Variants in OPRM1 observed in about 807,000 individuals in gnomAD.
The protein encoded by OPRM1 is opioid receptor mu 1.
Under a neutral mutation model 31.8 loss-of-function variants are expected in OPRM1, and 27 were observed. The ratio of observed to expected loss-of-function variants is 0.85; its 90% CI spans 0.63 to 1.17. OPRM1 has a LOEUF of 1.17. Among genes scored for constraint, OPRM1 ranks in the 50% most tolerant of loss-of-function variants. The pLI is 0.00. For synonymous variants in OPRM1, 196 were observed against 189.9 expected (o/e 1.03, Z -0.26); for missense variants, 536 against 511.1 (o/e 1.05, Z -0.47).
chr6:154,119,580 C>A lies in OPRM1; in HGVS notation c.*859C>A. The A allele has an allele frequency of 3.0e-6, 1 of 334,790 alleles. No individual in the cohort carries two copies. Among genetic ancestry groups the A allele is most frequent in the Non-Finnish European group, 4.3e-6 (1 of 235,246 alleles). The allele number at this position is 334,790 out of a possible 1,614,324, so 20.7% of individuals were successfully genotyped here. ...ATTAAAATGTACTCTTTATTTCTCA[C>A]TGGTTTCTCCATACTGCAGGCTCCC... On this transcript the variant is annotated 3_prime_UTR_variant, in exon 4 of 4. Coordinates refer to ENST00000330432, the MANE Select transcript of OPRM1 (RefSeq NM_000914.5).
chr6:154,058,219 A>C (rs539765955), intron 1 of OPRM1, among the ~76,000 whole-genome samples: 1 of 152,208 alleles, frequency 6.6e-6, no homozygotes, highest in East Asian at 1.9e-4. Flanking sequence ...AAAAAATTGT[A>C]TATAAAGATA....
intron 3 of OPRM1, among the ~76,000 whole-genome samples, chr6:154,193,359 G>C (rs1802104369): frequency 6.6e-6 from 1 of 152,128 alleles, no homozygotes; most frequent in African/African-American, 2.4e-5. Context: ...GGGGACTCGG[G>C]GGAAAGGATA....
At chr6:154,089,323 A>T (rs1393243386) in intron 1 of OPRM1, among the ~76,000 whole-genome samples, 1 of 152,092 alleles carries the variant, frequency 6.6e-6, no homozygotes, top group Non-Finnish European at 1.5e-5. Flanking sequence ...GTGGTGTCTC[A>T]TGCCTGTAAC....
At chr6:154,078,340 C>T (rs17174750) in intron 1 of OPRM1, among the ~76,000 whole-genome samples, 1,737 of 152,190 alleles carry the variant, frequency 0.011, 25 homozygotes, top group African/African-American at 0.039. Context: ...AAATAATATC[C>T]ATTGCATATA....
At chr6:154,173,061 C>T (rs183100006) in intron 3 of OPRM1, among the ~76,000 whole-genome samples, 8 of 152,342 alleles carry the variant, frequency 5.3e-5, no homozygotes, top group East Asian at 3.9e-4. Context: ...CTCCAACAGA[C>T]GTGCAGCTGA....
chr6:154,185,267 A>G (rs1801238413), intron 3 of OPRM1, among the ~76,000 whole-genome samples: 1 of 152,232 alleles, frequency 6.6e-6, no homozygotes, highest in African/African-American at 2.4e-5. Flanking sequence ...GGGAGCAGCT[A>G]TAGACATGGA....
intron 3 of OPRM1, chr6:154,108,233 C>A (rs1795900673): frequency 2.5e-6 from 1 of 400,542 alleles, no homozygotes; most frequent in Non-Finnish European, 4.5e-6. Context: ...CTGCTTAGCA[C>A]CAAATATCAG....
At chr6:154,172,995 G>A (rs1202136145) in intron 3 of OPRM1, among the ~76,000 whole-genome samples, 1 of 152,234 alleles carries the variant, frequency 6.6e-6, no homozygotes, top group African/African-American at 2.4e-5. Flanking sequence ...TTGCTGTTCT[G>A]CAGCCTCCGC....
At chr6:154,188,357 A>G (rs1490956565) in intron 3 of OPRM1, among the ~76,000 whole-genome samples, 1 of 152,260 alleles carries the variant, frequency 6.6e-6, no homozygotes, top group Admixed American at 6.5e-5. Context: ...TAAGAAAGAC[A>G]AATAAATGGA....
At chr6:154,049,536 C>T (rs1781801889) in intron 1 of OPRM1, among the ~76,000 whole-genome samples, 1 of 151,944 alleles carries the variant, frequency 6.6e-6, no homozygotes, top group South Asian at 2.1e-4. Flanking sequence ...GTGAAGAGGC[C>T]AATTTTCAAA....
At chr6:154,192,318 C>CTGTGTGTGTGTGTGTGTGTGTGTG (rs56231733) in intron 3 of OPRM1, among the ~76,000 whole-genome samples, 2 of 148,030 alleles carry the variant, frequency 1.4e-5, no homozygotes, top group Admixed American at 6.7e-5. Flanking sequence ...CACGTGGTTA[C>CTGTGTGTGTGTGTGTGTGTGTGTG]TGTGTGTGTG....
intron 3 of OPRM1, among the ~76,000 whole-genome samples, chr6:154,192,599 C>T (rs1195297855): frequency 6.6e-6 from 1 of 151,970 alleles, no homozygotes; most frequent in Non-Finnish European, 1.5e-5. Context: ...AGAAAATCTT[C>T]ATAATCTGTA....
intron 3 of OPRM1, among the ~76,000 whole-genome samples, chr6:154,228,134 T>G (rs1050162551): frequency 6.6e-6 from 1 of 152,062 alleles, no homozygotes; most frequent in Non-Finnish European, 1.5e-5. Flanking sequence ...CTTTGTTGAA[T>G]GGGATCCTTC....
At position 154,119,505 on chromosome 6, in the gene OPRM1, A is replaced by G; in HGVS notation, c.*784A>G. The G allele has an allele frequency of 1.1e-6, 1 of 913,126 alleles. No individual in the cohort carries two copies. The highest frequency in any genetic ancestry group is 1.8e-5 in the African/African-American group (1 of 55,730). 56.6% of individuals were successfully genotyped at this position (913,126 alleles called of 1,614,324 possible). A position where few individuals can be genotyped will look rare whatever the true frequency, so the allele number is the denominator to read the frequency against. The stretch of plus-strand genomic sequence containing the variant: ...TCTTGCTCCTATTTAAGTGTTCACA[A>G]AAGGTAATAGTCAATGAGCTCATCA... On this transcript the variant is annotated 3_prime_UTR_variant, in exon 4 of 4. Coordinates refer to ENST00000330432, the MANE Select transcript of OPRM1 (RefSeq NM_000914.5).
intron 3 of OPRM1, among the ~76,000 whole-genome samples, chr6:154,194,026 G>T (rs1276644512): frequency 6.6e-6 from 1 of 152,208 alleles, no homozygotes; most frequent in East Asian, 1.9e-4. Context: ...GCAGGAATTT[G>T]TGACCATGAG....
intron 3 of OPRM1, chr6:154,217,564 G>A (rs1319709597): frequency 6.6e-6 from 1 of 152,166 alleles, no homozygotes; most frequent in Non-Finnish European, 1.5e-5. Flanking sequence ...CCTAGGGAGG[G>A]TAGTTGAATT....
At chr6:154,204,783 T>G (rs986243951) in intron 3 of OPRM1, among the ~76,000 whole-genome samples, 3 of 152,034 alleles carry the variant, frequency 2.0e-5, no homozygotes, top group African/African-American at 7.3e-5. Flanking sequence ...ACACAAAAAG[T>G]CCACAATATT....
intron 3 of OPRM1, among the ~76,000 whole-genome samples, chr6:154,096,904 T>C (rs532261180): frequency 6.6e-6 from 1 of 152,352 alleles, no homozygotes; most frequent in African/African-American, 2.4e-5. Flanking sequence ...TAGTTTGTTA[T>C]GTGAGGGTCC....
rs779909053 is a variant in OPRM1 at position 154,039,292 on chromosome 6, G to T, written c.-253G>T. On this transcript the variant is annotated 5_prime_UTR_variant, in exon 1 of 4. Coordinates refer to ENST00000330432, the MANE Select transcript of OPRM1 (RefSeq NM_000914.5). The stretch of plus-strand genomic sequence containing the variant: ...GCATGGCCCACGCTCCCCTCCTGCA[G>T]CGGTGCGGGGCAGGTGATGAGCCTC... 2 of 1,551,100 alleles carry T rather than the reference G, an allele frequency of 1.3e-6. No individual in the cohort carries two copies. Among genetic ancestry groups the T allele is most frequent in the African/African-American group, 2.7e-5 (2 of 73,032 alleles).
Sources: allele counts gnomAD v4.1 joint callset (sites outside exome capture counted in the v4.1 genomes callset), GRCh38; gene constraint gnomAD v4.1.1; transcripts MANE v1.5; gene names NCBI Gene and HGNC (gene_info 2026-07-23, HGNC 2026-07-21).